The following PTPRT variants were observed in gnomAD, a reference collection of about 807,000 sequenced individuals.
PTPRT encodes receptor-type tyrosine-protein phosphatase T.
A neutral mutation model predicts 176.8 loss-of-function variants in PTPRT; 56 were observed. The observed-to-expected ratio is 0.32, with a 90% CI of 0.26 to 0.40. The LOEUF (loss-of-function observed/expected upper bound fraction) is 0.40. Ranked by LOEUF, PTPRT falls within the 10% of genes least tolerant of loss-of-function variation. The probability of loss-of-function intolerance (pLI) is 1.00; values close to 1 mark genes in which losing one functional copy is unlikely to be tolerated. For synonymous variants in PTPRT, 783 were observed against 739.0 expected, an observed-to-expected ratio of 1.06 and a Z score of -0.96; for missense variants, 1,540 against 1,908.2, an observed-to-expected ratio of 0.81 and a Z score of 3.60.
intron 6 of PTPRT, among the ~76,000 whole-genome samples, chr20:42,746,156 C>G (rs1311049204): frequency 1.3e-5 from 2 of 152,212 alleles, no homozygotes; most frequent in Admixed American, 6.5e-5. Context: ...GAAACCAATA[C>G]TTATCAGGTT....
intron 1 of PTPRT, among the ~76,000 whole-genome samples, chr20:43,097,445 AAC>A: frequency 6.6e-6 from 1 of 152,356 alleles, no homozygotes; most frequent in Admixed American, 6.5e-5. Flanking sequence ...ATGGCCACAG[AAC>A]ATTAATGAGC....
Position 43,189,698 on chromosome 20 carries a change from G to C in PTPRT, c.36C>G (p.Leu12=). 7.6e-7 allele frequency: 1 copy of C among 1,316,588 alleles called. No individual in the cohort carries two copies. Among genetic ancestry groups the C allele is most frequent in the Non-Finnish European group, 9.7e-7 (1 of 1,033,006 alleles). 81.6% of individuals were successfully genotyped at this position (1,316,588 alleles called of 1,614,324 possible). Residue 12 remains leucine, a synonymous_variant, in exon 1 of 31, where the codon CTC becomes CTG. Coordinates refer to ENST00000373187, the MANE Select transcript of PTPRT (RefSeq NM_007050.6). This position sits in a 1 kb window ranked among gnomAD's most constrained non-coding sequence, Gnocchi z 5.0. ...ASLAALALSL[L]LRLQLPPLPG... is the part of the protein sequence containing the mutation. The stretch of plus-strand genomic sequence containing the variant: ...GCAGTGGCGGCAGCTGCAGCCTCAG[G>C]AGCAGGCTGAGGGCGAGCGCGGCGA...
At chr20:43,139,076 T>C (rs2013922817) in intron 1 of PTPRT, among the ~76,000 whole-genome samples, 2 of 152,300 alleles carry the variant, frequency 1.3e-5, no homozygotes, top group South Asian at 2.1e-4. Flanking sequence ...CTAACTCCAA[T>C]GTCAATTTCC....
chr20:42,734,308 T>C (rs962219824), intron 6 of PTPRT, among the ~76,000 whole-genome samples: 11 of 152,072 alleles, frequency 7.2e-5, no homozygotes, highest in African/African-American at 2.7e-4. Context: ...TTCCTCTCTG[T>C]AAAATAAAGG....
chr20:42,151,621 T>G (rs184216101), intron 17 of PTPRT, among the ~76,000 whole-genome samples: 1 of 152,220 alleles, frequency 6.6e-6, no homozygotes, highest in Non-Finnish European at 1.5e-5. Flanking sequence ...TGTGCATATG[T>G]CTTTATAGTA....
chr20:42,327,080 G>GGTGTGT (rs139401290), intron 11 of PTPRT, among the ~76,000 whole-genome samples: 3,184 of 146,404 alleles, frequency 0.022, 72 homozygotes, highest in African/African-American at 0.049. Flanking sequence ...ACTAGGTAGG[G>GGTGTGT]GTGTGTGTGT....
intron 7 of PTPRT, among the ~76,000 whole-genome samples, chr20:42,654,624 T>C (rs1197771096): frequency 6.6e-6 from 1 of 152,208 alleles, no homozygotes. Flanking sequence ...TGGATAACTA[T>C]TTTTCCTGTG....
At chr20:42,336,924 G>A (rs1357779821) in intron 11 of PTPRT, among the ~76,000 whole-genome samples, 3 of 152,136 alleles carry the variant, frequency 2.0e-5, no homozygotes, top group Non-Finnish European at 4.4e-5. Context: ...AAGAGAGGAG[G>A]AGATGTAGTA....
chr20:42,686,457 C>CTTTTTT (rs71193668), intron 6 of PTPRT: 4 of 78,376 alleles, frequency 5.1e-5, no homozygotes, highest in African/African-American at 1.6e-4. Flanking sequence ...ATAGTGCACT[C>CTTTTTT]TTTTTTTTTT....
intron 2 of PTPRT, among the ~76,000 whole-genome samples, chr20:42,844,272 T>C (rs993064583): frequency 1.3e-5 from 2 of 152,200 alleles, no homozygotes; most frequent in Admixed American, 6.5e-5. Flanking sequence ...CAAATCTTTT[T>C]GTGATGAAAA....
At chr20:43,155,835 TA>T (rs1264105249) in intron 1 of PTPRT, among the ~76,000 whole-genome samples, 1 of 152,170 alleles carries the variant, frequency 6.6e-6, no homozygotes, top group Non-Finnish European at 1.5e-5. Context: ...AATAAAACAT[TA>T]AAATAAATTT....
chr20:42,887,281 T>G (rs2079118772), intron 1 of PTPRT, among the ~76,000 whole-genome samples: 1 of 152,136 alleles, frequency 6.6e-6, no homozygotes, highest in African/African-American at 2.4e-5. Flanking sequence ...TTGGGACCAG[T>G]GCCCTTATAA....
At chr20:42,344,096 C>T (rs1358010888) in intron 11 of PTPRT, among the ~76,000 whole-genome samples, 2 of 152,182 alleles carry the variant, frequency 1.3e-5, no homozygotes, top group Non-Finnish European at 2.9e-5. Context: ...GATGGGTTTA[C>T]ACCATGTTGG....
intron 2 of PTPRT, among the ~76,000 whole-genome samples, chr20:42,795,243 G>A (rs2077437184): frequency 6.6e-6 from 1 of 152,028 alleles, no homozygotes; most frequent in Non-Finnish European, 1.5e-5. Flanking sequence ...TTTCCTCATA[G>A]TTATTATACA....
At chr20:42,952,309 G>T (rs1415481744) in intron 1 of PTPRT, among the ~76,000 whole-genome samples, 1 of 152,188 alleles carries the variant, frequency 6.6e-6, no homozygotes, top group African/African-American at 2.4e-5. Flanking sequence ...AGAATCAAAG[G>T]GCTGCATAAA....
chr20:42,923,158 T>C (rs1044657702), intron 1 of PTPRT, among the ~76,000 whole-genome samples: 4 of 151,878 alleles, frequency 2.6e-5, no homozygotes, highest in Admixed American at 6.5e-5. Context: ...GTTCAGCCCC[T>C]GCACCTGGAG....
intron 9 of PTPRT, among the ~76,000 whole-genome samples, chr20:42,370,278 G>A (rs750718233): frequency 1.2e-4 from 18 of 152,142 alleles, no homozygotes; most frequent in Admixed American, 3.9e-4. Context: ...CTGCCTTGTC[G>A]GAATCCTCAG....
chr20:42,427,167 C>T (rs1410587407), intron 9 of PTPRT, among the ~76,000 whole-genome samples: 1 of 152,166 alleles, frequency 6.6e-6, no homozygotes, highest in Non-Finnish European at 1.5e-5. Flanking sequence ...TAAAATCCAT[C>T]CCTCCTCTTC....
chr20:42,428,064 G>C (rs1321758245), intron 9 of PTPRT, among the ~76,000 whole-genome samples: 1 of 152,136 alleles, frequency 6.6e-6, no homozygotes, highest in East Asian at 1.9e-4. Flanking sequence ...CTCACACAAA[G>C]CCTGTTTGGT....
Sources: allele counts gnomAD v4.1 joint callset (sites outside exome capture counted in the v4.1 genomes callset), GRCh38; gene constraint gnomAD v4.1.1; non-coding constraint Gnocchi (gnomAD v3.1); transcripts MANE v1.5; gene names NCBI Gene and HGNC (gene_info 2026-07-23, HGNC 2026-07-21).